The following PVT1 variants were observed in gnomAD, a reference collection of about 807,000 sequenced individuals.
The protein encoded by PVT1 is Pvt1 oncogene.
intron 2 of PVT1, among the ~76,000 whole-genome samples, chr8:127,877,125 A>T (rs6470588): frequency 6.6e-6 from 1 of 151,734 alleles, no homozygotes; most frequent in Non-Finnish European, 1.5e-5. Flanking sequence ...GCCGAGGAGG[A>T]CAACTCCCCA....
At chr8:128,090,462 TG>T (rs1157649469) in intron 5 of PVT1, among the ~76,000 whole-genome samples, 5 of 152,140 alleles carry the variant, frequency 3.3e-5, no homozygotes, top group East Asian at 1.9e-4. Flanking sequence ...CTGACTTTGA[TG>T]GGGGGCTAAG....
chr8:128,087,980 A>G (rs959056819), intron 5 of PVT1, among the ~76,000 whole-genome samples: 17 of 151,998 alleles, frequency 1.1e-4, no homozygotes, highest in African/African-American at 4.1e-4. Context: ...GCTGGTCTCA[A>G]ACTCCTGACC....
intron 3 of PVT1, among the ~76,000 whole-genome samples, chr8:127,908,322 T>TC (rs1282624878): frequency 6.6e-6 from 1 of 150,690 alleles, no homozygotes. Flanking sequence ...CAGTTTCTTT[T>TC]CTTTTTTTTT....
intron 4 of PVT1, among the ~76,000 whole-genome samples, chr8:128,066,009 G>T (rs568305221): frequency 2.6e-5 from 4 of 152,346 alleles, no homozygotes; most frequent in East Asian, 3.9e-4. Context: ...AGGCATTTCA[G>T]TTAAGATATT....
chr8:127,941,605 C>T (rs536072287), intron 3 of PVT1, among the ~76,000 whole-genome samples: 5 of 152,200 alleles, frequency 3.3e-5, no homozygotes, highest in Non-Finnish European at 5.9e-5. Flanking sequence ...TGTCATTACT[C>T]TAGTGGTAGA....
intron 4 of PVT1, among the ~76,000 whole-genome samples, chr8:128,035,928 A>C (rs1284166263): frequency 6.6e-6 from 1 of 152,246 alleles, no homozygotes; most frequent in African/African-American, 2.4e-5. Flanking sequence ...CCTTGCTTTT[A>C]GTTCCTTATG....
chr8:127,882,394 T>C (rs1815478404), intron 2 of PVT1, among the ~76,000 whole-genome samples: 1 of 152,110 alleles, frequency 6.6e-6, no homozygotes, highest in South Asian at 2.1e-4. Flanking sequence ...CACAGAGAAA[T>C]AATGTGAGCA....
At chr8:128,042,305 G>A (rs1254865503) in intron 4 of PVT1, among the ~76,000 whole-genome samples, 1 of 152,158 alleles carries the variant, frequency 6.6e-6, no homozygotes, top group African/African-American at 2.4e-5. Context: ...TGGGTTGCTG[G>A]GGACAATTGA....
chr8:128,023,052 G>A lies in PVT1; in HGVS notation n.912+33761G>A, dbSNP rs1443632755. Among the ~76,000 whole-genome samples, 2 of 151,954 alleles carry A rather than the reference G, an allele frequency of 1.3e-5. 1 individual carries two copies. Among genetic ancestry groups the A allele is most frequent in the East Asian group, 3.9e-4 (2 of 5,178 alleles). ...TGGCTAATTTTTGTTATTTTTAGTA[G>A]AGACAGAGTTTCACCATGTTGGCTA... On this transcript the variant is annotated intron_variant and non_coding_transcript_variant, in intron 4 of 10. Transcript: ENST00000651587.
At chr8:127,996,975 C>T (rs1225575573) in intron 4 of PVT1, among the ~76,000 whole-genome samples, 1 of 151,814 alleles carries the variant, frequency 6.6e-6, no homozygotes, top group Non-Finnish European at 1.5e-5. Context: ...CATCAGTCTT[C>T]CAGGACCCTG....
intron 5 of PVT1, among the ~76,000 whole-genome samples, chr8:128,092,790 A>G (rs964899316): frequency 2.0e-5 from 3 of 152,094 alleles, no homozygotes; most frequent in African/African-American, 4.8e-5. Context: ...TACTCTCAGC[A>G]TGGTGCCATT....
chr8:127,832,789 C>T (rs567674785), intron 2 of PVT1, among the ~76,000 whole-genome samples: 3 of 151,810 alleles, frequency 2.0e-5, no homozygotes, highest in African/African-American at 4.8e-5. Flanking sequence ...ACCCGGGAGG[C>T]GGAGCTTGCA....
At chr8:127,803,747 A>C (rs1057281617) in intron 2 of PVT1, among the ~76,000 whole-genome samples, 6 of 148,532 alleles carry the variant, frequency 4.0e-5, no homozygotes, top group Non-Finnish European at 7.5e-5. Context: ...TTGAGACGGA[A>C]TCTTGCTCTG....
chr8:128,030,568 A>G (rs1563670220), intron 4 of PVT1, among the ~76,000 whole-genome samples: 1 of 152,230 alleles, frequency 6.6e-6, no homozygotes, highest in Non-Finnish European at 1.5e-5. Context: ...TACTTGAGGC[A>G]CAGCTGACAT....
At position 127,985,740 on chromosome 8, in the gene PVT1, G is replaced by A. The variant is rs982683289; in HGVS notation, n.783-3422G>A. ...GAGCTTGCACTCAGGAGCTTCCCAG[G>A]GGAAACTGCTCCACTCTCTGCCATC... is the stretch of plus-strand genomic sequence containing the variant. On this transcript the variant is annotated intron_variant and non_coding_transcript_variant, in intron 3 of 10. Transcript: ENST00000651587. Among the ~76,000 whole-genome samples, 5 of 152,166 alleles carry A rather than the reference G, an allele frequency of 3.3e-5. No individual in the cohort carries two copies. The East Asian group carries it at 7.7e-4, about 23-fold the overall frequency.
intron 2 of PVT1, among the ~76,000 whole-genome samples, chr8:127,798,025 G>A (rs374322872): frequency 4.6e-5 from 7 of 152,080 alleles, no homozygotes; most frequent in Non-Finnish European, 2.9e-5. Flanking sequence ...GCAAAGGGCC[G>A]GGCGCGGTGG....
intron 5 of PVT1, among the ~76,000 whole-genome samples, chr8:128,090,276 T>G (rs954242878): frequency 5.3e-5 from 8 of 152,234 alleles, no homozygotes; most frequent in African/African-American, 1.9e-4. Context: ...AAGACTGTCT[T>G]TACCTGCCTT....
chr8:127,892,918 C>A (rs1419829634), intron 3 of PVT1, among the ~76,000 whole-genome samples: 1 of 152,168 alleles, frequency 6.6e-6, no homozygotes, highest in African/African-American at 2.4e-5. Flanking sequence ...TGCCCTCTCC[C>A]CACACCCTAT....
At chr8:128,032,816 G>C (rs888423129) in intron 4 of PVT1, among the ~76,000 whole-genome samples, 5 of 152,186 alleles carry the variant, frequency 3.3e-5, no homozygotes, top group African/African-American at 9.6e-5. Flanking sequence ...GGGGAATGTC[G>C]TTCTTATGGT....
Sources: allele counts gnomAD v4.1 joint callset (sites outside exome capture counted in the v4.1 genomes callset), GRCh38; gene constraint gnomAD v4.1.1; transcripts MANE v1.5; gene names NCBI Gene and HGNC (gene_info 2026-07-23, HGNC 2026-07-21).